The following GLYR1 variants were observed in gnomAD, a reference collection of about 807,000 sequenced individuals.
GLYR1 encodes the protein cytokine-like nuclear factor N-PAC.
A neutral mutation model predicts 72.7 loss-of-function variants in GLYR1; 21 were observed. That is an observed-to-expected ratio of 0.29 (90% confidence interval 0.20 to 0.42). The LOEUF (loss-of-function observed/expected upper bound fraction) is 0.42, where lower values mean the gene tolerates loss of function less well. GLYR1 is among the 10% of genes least tolerant of loss of function. The pLI is 1.00. For missense variants in GLYR1, 594 were observed against 712.1 expected, an observed-to-expected ratio of 0.83 and a Z score of 1.89; for synonymous variants, 392 against 270.2, an observed-to-expected ratio of 1.45 and a Z score of -4.42.
At chr16:4,817,066 C>G (rs1038178564) in intron 10 of GLYR1, among the ~76,000 whole-genome samples, 1 of 151,634 alleles carries the variant, frequency 6.6e-6, no homozygotes, top group Non-Finnish European at 1.5e-5. Flanking sequence ...GCCTCAGCCT[C>G]CTGAGTAACT....
chr16:4,815,668 C>T (rs1213054334), intron 10 of GLYR1, among the ~76,000 whole-genome samples: 1 of 152,212 alleles, frequency 6.6e-6, no homozygotes, highest in East Asian at 1.9e-4. Flanking sequence ...AGATCACCAG[C>T]AAGCTCTCCT....
chr16:4,833,724 C>T (rs1037657006), intron 3 of GLYR1, among the ~76,000 whole-genome samples: 2 of 151,756 alleles, frequency 1.3e-5, no homozygotes, highest in Non-Finnish European at 2.9e-5. Flanking sequence ...TTTTTAATTT[C>T]AACCATCAAT....
chr16:4,846,906 G>T, intron 1 of GLYR1: 2 of 414,092 alleles, frequency 4.8e-6, no homozygotes, highest in South Asian at 2.9e-5. Context: ...ACAAGACCCC[G>T]GGGACCGGTC....
At chr16:4,822,117 C>T (rs1172634399) in intron 7 of GLYR1, among the ~76,000 whole-genome samples, 5 of 108,972 alleles carry the variant, frequency 4.6e-5, no homozygotes, top group African/African-American at 1.5e-4. Flanking sequence ...GATAGAGTCT[C>T]GCTCTGTCGC....
chr16:4,826,089 C>T (rs2084364335), intron 5 of GLYR1, among the ~76,000 whole-genome samples: 1 of 152,048 alleles, frequency 6.6e-6, no homozygotes. Flanking sequence ...TAGCTGTCAC[C>T]CAGGCTGGAG....
At chr16:4,813,892 G>C in intron 11 of GLYR1, 54 bp from the exon 12 acceptor site, 1 of 1,371,976 alleles carries the variant, frequency 7.3e-7, no homozygotes, top group Non-Finnish European at 1.0e-6. Context: ...AGATGCTCAG[G>C]AGCCCTACAG....
At chr16:4,817,845 G>A in intron 9 of GLYR1, 148 bp from the exon 10 acceptor site, 1 of 637,758 alleles carries the variant, frequency 1.6e-6, no homozygotes, top group South Asian at 1.8e-5. Context: ...TCTACCTGCA[G>A]AGCCAGGGGC....
chr16:4,809,304 C>G (rs1325745790), intron 15 of GLYR1, among the ~76,000 whole-genome samples: 4 of 150,946 alleles, frequency 2.6e-5, no homozygotes, highest in Non-Finnish European at 5.9e-5. Context: ...AATTCTCTGC[C>G]TCAGCCTCCT....
At position 4,845,284 on chromosome 16, in the gene GLYR1, T is replaced by G. The variant is rs185319614; in HGVS notation, c.76-131A>C. ...TAAAAGGACTTACTTACAAATAAAT[T>G]TATTTATATACAAAACAGAACCCAA... On this transcript the variant is annotated intron_variant, in intron 2 of 15. Coordinates refer to ENST00000321919, the MANE Select transcript of GLYR1 (RefSeq NM_032569.4). 2,438 of 635,710 alleles carry G rather than the reference T, an allele frequency of 3.8e-3. 45 individuals are homozygous for G. The highest frequency in any genetic ancestry group is 7.1e-4 in the Non-Finnish European group (252 of 356,768). 39.4% of individuals were successfully genotyped at this position (635,710 alleles called of 1,614,324 possible).
chr16:4,846,041 G>GA (rs988026168), intron 2 of GLYR1, 133 bp downstream of exon 2: 14 of 914,994 alleles, frequency 1.5e-5, no homozygotes, highest in Non-Finnish European at 2.2e-5. Flanking sequence ...GATACTAGGG[G>GA]AAAAAAAATT....
At chr16:4,807,822 C>T (rs545438213) in intron 15 of GLYR1, among the ~76,000 whole-genome samples, 4 of 152,208 alleles carry the variant, frequency 2.6e-5, no homozygotes, top group Non-Finnish European at 1.5e-5. Context: ...ACGAATTCTA[C>T]TATCCAGAGA....
rs1401256029 is a variant in GLYR1 at position 4,844,990 on chromosome 16, T to C, written c.155+84A>G. The C allele has an allele frequency of 4.6e-6, 4 of 875,354 alleles. No individual in the cohort carries two copies. The Admixed American group carries it at 7.5e-5, about 16-fold the overall frequency. The allele number at this position is 875,354 out of a possible 1,614,324, so 54.2% of individuals were successfully genotyped here. Reference sequence around the variant, plus strand: ...CATTATAAGAAGACTGAACTAAGGATCCTTAGAATATTTTCAAAGCAGCTC... The same window carrying C: ...CATTATAAGAAGACTGAACTAAGGACCCTTAGAATATTTTCAAAGCAGCTC... On this transcript the variant is annotated intron_variant, in intron 3 of 15. Transcript: ENST00000321919.
intron 4 of GLYR1, 29 bp from the exon 5 acceptor site, chr16:4,832,250 T>A: frequency 1.2e-6 from 2 of 1,611,430 alleles, no homozygotes; most frequent in Non-Finnish European, 1.7e-6. Flanking sequence ...TAATGATAAC[T>A]ACCACCACAG....
chr16:4,834,019 A>G (rs2084962776), intron 3 of GLYR1, among the ~76,000 whole-genome samples: 1 of 152,240 alleles, frequency 6.6e-6, no homozygotes, highest in Non-Finnish European at 1.5e-5. Flanking sequence ...TGTTTTCTTC[A>G]TAGAAAGCTA....
chr16:4,838,964 G>A (rs1001882635), intron 3 of GLYR1, among the ~76,000 whole-genome samples: 3 of 152,128 alleles, frequency 2.0e-5, no homozygotes, highest in African/African-American at 7.2e-5. Context: ...ACAGTTCACT[G>A]TAGCCTTGAC....
At chr16:4,847,064 C>G (rs2086190490) in intron 1 of GLYR1, 164 bp downstream of exon 1, 1 of 665,102 alleles carries the variant, frequency 1.5e-6, no homozygotes, top group African/African-American at 1.9e-5. Context: ...CGGGACTGGA[C>G]TGCCCCTTCC....
At chr16:4,809,611 CA>C (rs1245851187) in intron 15 of GLYR1, among the ~76,000 whole-genome samples, 17,270 of 80,262 alleles carry the variant, frequency 0.22, 1,100 homozygotes, top group Middle Eastern at 0.35. Context: ...AACTCCGTCT[CA>C]AAAAAAAAAA....
chr16:4,822,816 GGA>G, intron 7 of GLYR1, 57 bp downstream of exon 7: 1 of 1,402,304 alleles, frequency 7.1e-7, no homozygotes, highest in South Asian at 1.2e-5. Flanking sequence ...AGGACCCAGT[GGA>G]GGAGCACTCC....
chr16:4,843,483 T>C (rs1028782611), intron 3 of GLYR1: 2 of 1,274,894 alleles, frequency 1.6e-6, no homozygotes, highest in Non-Finnish European at 2.0e-6. Context: ...CATGGAGTTC[T>C]AAGAACATTC....
Sources: gnomAD v4.1 joint callset for allele counts (sites outside exome capture counted in the v4.1 genomes callset) on GRCh38, gnomAD v4.1.1 for gene constraint, MANE v1.5 for transcripts, NCBI Gene and HGNC (gene_info 2026-07-23, HGNC 2026-07-21) for gene names.